Variants in CTSS observed in about 807,000 individuals in gnomAD.
CTSS encodes cathepsin S.
CTSS carries 15 observed loss-of-function variants against 39.9 expected under a neutral mutation model. The ratio of observed to expected loss-of-function variants is 0.38; its 90% CI spans 0.25 to 0.58. The LOEUF (loss-of-function observed/expected upper bound fraction) is 0.58, where lower values mean the gene tolerates loss of function less well. Ranked by LOEUF, CTSS falls within the 20% of genes least tolerant of loss-of-function variation. CTSS has a pLI of 0.70. For synonymous variants in CTSS, 126 were observed against 138.2 expected, an observed-to-expected ratio of 0.91 and a Z score of 0.62; for missense variants, 250 against 398.2, an observed-to-expected ratio of 0.63 and a Z score of 3.17.
Position 150,751,975 on chromosome 1 carries a change from C to A in CTSS, c.433G>T (p.Val145Leu). Reference sequence around the variant, plus strand: ...TTCAGCTGTGCTTCCAGGGCCCCCACAGCACTGAAAGCCCAGCAAGCACCA... The same window carrying A: ...TTCAGCTGTGCTTCCAGGGCCCCCAAAGCACTGAAAGCCCAGCAAGCACCA... ...SCGACWAFSA[V>L]GALEAQLKLK... Residue 145 changes from valine (V) to leucine (L), a missense_variant, in exon 5 of 8, where the codon GTG becomes TTG. Coordinates refer to ENST00000368985, the MANE Select transcript of CTSS (RefSeq NM_004079.5). 2 of 1,614,202 alleles carry A rather than the reference C, an allele frequency of 1.2e-6. No homozygotes were observed. Among genetic ancestry groups the A allele is most frequent in the South Asian group, 1.1e-5 (1 of 91,080 alleles).
intron 6 of CTSS, among the ~76,000 whole-genome samples, chr1:150,749,660 G>GT (rs1436003001): frequency 6.8e-6 from 1 of 146,892 alleles, no homozygotes; most frequent in Non-Finnish European, 1.5e-5. Context: ...TTTCTTCCTT[G>GT]TTTTTTAGAG....
At position 150,730,374 on chromosome 1, in the gene CTSS, G is replaced by A. The variant is rs1388795215; in HGVS notation, c.*2672C>T. 1 of 152,112 alleles carries A rather than the reference G, an allele frequency of 6.6e-6. No homozygotes were observed. Among genetic ancestry groups the A allele is most frequent in the Non-Finnish European group, 1.5e-5 (1 of 68,030 alleles). The allele number at this position is 152,112 out of a possible 1,614,324, so 9.4% of individuals were successfully genotyped here. A position where few individuals can be genotyped will look rare whatever the true frequency, so the allele number is the denominator to read the frequency against. ...GAACAAGCTAAATGTAATAAACTGG[G>A]GGAAACTGAGAGGCCTGTTTGTTTA... On this transcript the variant is annotated 3_prime_UTR_variant, in exon 8 of 8. Transcript: ENST00000368985.
At chr1:150,744,526 A>G (rs1304375743) in intron 7 of CTSS, among the ~76,000 whole-genome samples, 4 of 106,066 alleles carry the variant, frequency 3.8e-5, no homozygotes, top group Non-Finnish European at 6.9e-5. Context: ...TATGTATATT[A>G]TGTATACATA....
chr1:150,764,849 G>T, intron 1 of CTSS, 85 bp from the exon 2 acceptor site: 1 of 1,495,392 alleles, frequency 6.7e-7, no homozygotes, highest in Non-Finnish European at 9.2e-7. Flanking sequence ...AAATAACAAT[G>T]CAAAGTCTAT....
intron 1 of CTSS, among the ~76,000 whole-genome samples, chr1:150,765,027 A>G (rs1653342196): frequency 6.6e-6 from 1 of 151,984 alleles, no homozygotes; most frequent in Admixed American, 6.6e-5. Context: ...AAACACATCT[A>G]GAGGGTTAGA....
chr1:150,758,053 A>ATT (rs371205604), intron 2 of CTSS, 73 bp from the exon 3 acceptor site: 5,289 of 1,162,070 alleles, frequency 4.6e-3, no homozygotes, highest in Non-Finnish European at 4.8e-3. Flanking sequence ...GAAAATGGCA[A>ATT]TTTTTTTTTT....
chr1:150,743,631 A>G (rs1652821393), intron 7 of CTSS, among the ~76,000 whole-genome samples: 1 of 91,470 alleles, frequency 1.1e-5, no homozygotes, highest in Non-Finnish European at 2.4e-5. Flanking sequence ...TATTATGTAT[A>G]CATAATATAT....
rs1475039639 is a variant in CTSS, at chr1:150,730,775, TCATATCA to T, written c.*2264_*2270del. On this transcript the variant is annotated 3_prime_UTR_variant, in exon 8 of 8. Coordinates refer to ENST00000368985, the MANE Select transcript of CTSS (RefSeq NM_004079.5). ...CATCAAAAGAAAAACCCAGATATTTTCATATCACATTAGTTTTTTGCATCTATTTTCA... is the reference window on the plus strand; with the variant it reads ...CATCAAAAGAAAAACCCAGATATTTTCATTAGTTTTTTGCATCTATTTTCA... 2.0e-5 allele frequency: 3 copies of T among 152,332 alleles called. No homozygotes were observed. Among genetic ancestry groups the T allele is most frequent in the African/African-American group, 7.2e-5 (3 of 41,584 alleles). 9.4% of individuals were successfully genotyped at this position (152,332 alleles called of 1,614,324 possible). A position where few individuals can be genotyped will look rare whatever the true frequency, so the allele number is the denominator to read the frequency against.
intron 7 of CTSS, among the ~76,000 whole-genome samples, chr1:150,744,820 T>C (rs1461022162): frequency 6.6e-6 from 1 of 151,252 alleles, no homozygotes; most frequent in Non-Finnish European, 1.5e-5. Flanking sequence ...CCAGTCACAT[T>C]GTAGATGCCT....
At chr1:150,744,354 C>T in intron 7 of CTSS, among the ~76,000 whole-genome samples, 2 of 12,438 alleles carry the variant, frequency 1.6e-4, no homozygotes, top group Non-Finnish European at 4.2e-4. Flanking sequence ...ATTATGTATA[C>T]ATAATATATT....
chr1:150,747,032 T>C (rs949936075), intron 7 of CTSS, among the ~76,000 whole-genome samples: 3 of 152,070 alleles, frequency 2.0e-5, no homozygotes, highest in African/African-American at 7.2e-5. Context: ...GTTAGAAGGG[T>C]ACAGCAATAG....
rs773724570 is a variant in CTSS at position 150,760,224 on chromosome 1, T to G, written c.127-2244A>C. On this transcript the variant is annotated intron_variant, in intron 2 of 7. Coordinates refer to ENST00000368985, the MANE Select transcript of CTSS (RefSeq NM_004079.5). ...GGAACCTGTTCATAAAGGGTGTGGG[T>G]GAGGGTGAAATTCATCACCACCAAC... Among the ~76,000 whole-genome samples the G allele has an allele frequency of 5.1e-4, 78 of 152,266 alleles. 1 individual carries two copies. The highest frequency in any genetic ancestry group is 6.8e-3 in the Middle Eastern group (2 of 294).
chr1:150,765,530 T>A (rs1653356744), intron 1 of CTSS, among the ~76,000 whole-genome samples, 168 bp downstream of exon 1: 1 of 152,220 alleles, frequency 6.6e-6, no homozygotes. Context: ...GATGCTTAGA[T>A]GCTCAAGCAG....
At chr1:150,737,109 T>G (rs1311734812) in intron 7 of CTSS, among the ~76,000 whole-genome samples, 1 of 149,638 alleles carries the variant, frequency 6.7e-6, no homozygotes, top group Non-Finnish European at 1.5e-5. Context: ...TCCATCTACT[T>G]TTTTTTTTTT....
intron 7 of CTSS, among the ~76,000 whole-genome samples, chr1:150,747,249 T>G (rs1325278678): frequency 1.3e-5 from 2 of 152,064 alleles, no homozygotes; most frequent in Non-Finnish European, 2.9e-5. Flanking sequence ...AGGAACAGTA[T>G]GGGGGAGAGA....
chr1:150,756,570 C>G (rs1485112045), intron 3 of CTSS, among the ~76,000 whole-genome samples: 9 of 152,220 alleles, frequency 5.9e-5, no homozygotes, highest in Middle Eastern at 3.4e-3. Flanking sequence ...ACATCACTAG[C>G]TAGGCAAGAG....
intron 3 of CTSS, among the ~76,000 whole-genome samples, chr1:150,757,013 G>A (rs1653147093): frequency 6.6e-6 from 1 of 152,074 alleles, no homozygotes; most frequent in South Asian, 2.1e-4. Flanking sequence ...ACTGTGCCCA[G>A]CCTATCCTAC....
intron 7 of CTSS, among the ~76,000 whole-genome samples, chr1:150,736,943 A>G (rs1407879375): frequency 1.3e-5 from 2 of 152,230 alleles, no homozygotes; most frequent in Non-Finnish European, 2.9e-5. Context: ...TTTGTTAACT[A>G]AATGCCTATC....
chr1:150,741,538 A>G (rs1414032710), intron 7 of CTSS, among the ~76,000 whole-genome samples: 1 of 152,166 alleles, frequency 6.6e-6, no homozygotes, highest in African/African-American at 2.4e-5. Flanking sequence ...GTTTTCCCAT[A>G]TTTAGGATTA....
Sources: gnomAD v4.1 joint callset for allele counts (sites outside exome capture counted in the v4.1 genomes callset) on GRCh38, gnomAD v4.1.1 for gene constraint, MANE v1.5 for transcripts, NCBI Gene and HGNC (gene_info 2026-07-23, HGNC 2026-07-21) for gene names.